Variants in NR3C1 observed in about 807,000 individuals in gnomAD.
NR3C1 encodes glucocorticoid receptor.
In NR3C1, 14 loss-of-function variants were observed where a neutral mutation model predicts 74.0. The ratio of observed to expected loss-of-function variants is 0.19; its 90% CI spans 0.12 to 0.30. The LOEUF (loss-of-function observed/expected upper bound fraction) is 0.30. NR3C1 is among the 10% of genes least tolerant of loss of function. The pLI, the probability that NR3C1 is intolerant of heterozygous loss-of-function variation, is 1.00. For missense variants in NR3C1, 695 were observed against 909.8 expected (o/e 0.76, Z 3.04); for synonymous variants, 308 against 332.5 (o/e 0.93, Z 0.80).
intron 1 of NR3C1, among the ~76,000 whole-genome samples, chr5:143,424,712 T>C (rs1751441626): frequency 6.6e-6 from 1 of 152,206 alleles, no homozygotes; most frequent in Admixed American, 6.5e-5. Context: ...CTGATTTTCT[T>C]AGAAAAGAGA....
chr5:143,419,158 C>A (rs1375761597), intron 1 of NR3C1, among the ~76,000 whole-genome samples: 1 of 152,148 alleles, frequency 6.6e-6, no homozygotes, highest in Admixed American at 6.5e-5. Flanking sequence ...ATTTCAAAAT[C>A]TGAAAATATC....
chr5:143,390,984 C>A (rs979945117), intron 2 of NR3C1, among the ~76,000 whole-genome samples: 13 of 151,958 alleles, frequency 8.6e-5, no homozygotes, highest in African/African-American at 2.9e-4. Context: ...CAAAGAGGAG[C>A]AATATACATA....
intron 1 of NR3C1, among the ~76,000 whole-genome samples, chr5:143,421,766 TGG>T (rs1751245144): frequency 3.3e-5 from 5 of 151,768 alleles, no homozygotes; most frequent in Non-Finnish European, 7.4e-5. Context: ...CACTCCAGCC[TGG>T]GTGACAGAGT....
chr5:143,365,495 C>T (rs146681579), intron 2 of NR3C1, among the ~76,000 whole-genome samples: 9 of 152,184 alleles, frequency 5.9e-5, no homozygotes, highest in African/African-American at 2.2e-4. Context: ...CTTACTTGTA[C>T]CTAACAATAG....
upstream of NR3C1, chr5:143,405,055 C>T: frequency 3.3e-6 from 3 of 908,466 alleles, no homozygotes; most frequent in Non-Finnish European, 3.9e-6. Context: ...GGCCGTGGGG[C>T]GAGGGGTGCC....
intron 2 of NR3C1, among the ~76,000 whole-genome samples, chr5:143,334,655 G>A (rs1230104114): frequency 6.7e-6 from 1 of 150,370 alleles, no homozygotes; most frequent in Admixed American, 6.7e-5. Flanking sequence ...CTGGGGCCTT[G>A]TTTTGATAAA....
At chr5:143,416,138 T>G (rs1841469038) in intron 1 of NR3C1, among the ~76,000 whole-genome samples, 1 of 152,200 alleles carries the variant, frequency 6.6e-6, no homozygotes, top group Admixed American at 6.5e-5. Context: ...GGCCACATGG[T>G]AGATAGGTAC....
rs1812630301 is a variant in NR3C1, at chr5:143,278,275, A to G, written c.*3614T>C. 6.6e-6 allele frequency: 1 copy of G among 152,198 alleles called. No homozygotes were observed. Among genetic ancestry groups the G allele is most frequent in the African/African-American group, 2.4e-5 (1 of 41,456 alleles). 9.4% of individuals were successfully genotyped at this position (152,198 alleles called of 1,614,324 possible). The stretch of plus-strand genomic sequence containing the variant: ...AAAAAGCTTCTTAATAATGCCATAC[A>G]CAGTATAATATAGATTTGTCCCCAT... On this transcript the variant is annotated 3_prime_UTR_variant, in exon 9 of 9. Transcript: ENST00000394464.
chr5:143,383,429 G>T (rs1836611164), intron 2 of NR3C1, among the ~76,000 whole-genome samples: 1 of 152,164 alleles, frequency 6.6e-6, no homozygotes, highest in South Asian at 2.1e-4. Context: ...TGTCCTTAAG[G>T]AGACTGGATT....
At chr5:143,307,205 A>C (rs1167311806) in intron 4 of NR3C1, among the ~76,000 whole-genome samples, 1 of 152,160 alleles carries the variant, frequency 6.6e-6, no homozygotes, top group Non-Finnish European at 1.5e-5. Context: ...CGTATGCTTA[A>C]ATTTTATTCA....
chr5:143,358,943 T>C (rs1434076113), intron 2 of NR3C1, among the ~76,000 whole-genome samples: 1 of 152,078 alleles, frequency 6.6e-6, no homozygotes, highest in East Asian at 1.9e-4. Context: ...CTCCAATACG[T>C]AAGACAGATA....
rs61754802 is a variant in NR3C1, at chr5:143,278,009, T to C, written c.*3880A>G. 6 of 152,326 alleles carry C rather than the reference T, an allele frequency of 3.9e-5. No homozygotes were observed. The highest frequency in any genetic ancestry group is 1.4e-4 in the African/African-American group (6 of 41,584). The allele number at this position is 152,326 out of a possible 1,614,324, so 9.4% of individuals were successfully genotyped here. On this transcript the variant is annotated 3_prime_UTR_variant, in exon 9 of 9. Coordinates refer to ENST00000394464, the MANE Select transcript of NR3C1 (RefSeq NM_000176.3). ...GTAAATGGCTAACATTTACTGCCAA[T>C]TCGGTACAAATGTGTGGTTTGGTAA...
At chr5:143,302,731 T>C (rs1255127610) in intron 4 of NR3C1, among the ~76,000 whole-genome samples, 3 of 152,242 alleles carry the variant, frequency 2.0e-5, no homozygotes, top group East Asian at 3.9e-4. Context: ...CTGTACTGAC[T>C]AGAGCAAGAA....
intron 1 of NR3C1, among the ~76,000 whole-genome samples, chr5:143,427,999 A>G (rs1561818808): frequency 1.3e-5 from 2 of 152,260 alleles, no homozygotes; most frequent in South Asian, 4.1e-4. Context: ...CTATGAAAAT[A>G]GAATGGGCTT....
At chr5:143,333,810 C>A (rs1270780205) in intron 2 of NR3C1, among the ~76,000 whole-genome samples, 1 of 152,052 alleles carries the variant, frequency 6.6e-6, no homozygotes, top group African/African-American at 2.4e-5. Context: ...AAAACTATTG[C>A]TGCAGTCATT....
chr5:143,311,682 C>G (rs1021957717), intron 3 of NR3C1, among the ~76,000 whole-genome samples: 1 of 151,800 alleles, frequency 6.6e-6, no homozygotes, highest in African/African-American at 2.4e-5. Flanking sequence ...GTTCTTGCTA[C>G]GTTGCCTAGG....
intron 7 of NR3C1, among the ~76,000 whole-genome samples, chr5:143,284,543 C>T (rs570304581): frequency 3.0e-4 from 45 of 150,910 alleles, no homozygotes; most frequent in Middle Eastern, 3.2e-3. Context: ...TTTTCCCTGC[C>T]GTATAGTTTT....
chr5:143,294,935 C>T lies in NR3C1; in HGVS notation c.2023+525G>A, dbSNP rs543144385. 6 of 985,290 alleles carry T rather than the reference C, an allele frequency of 6.1e-6. No homozygotes were observed. The South Asian group carries it at 1.9e-4, about 31-fold the overall frequency. 61.0% of individuals were successfully genotyped at this position (985,290 alleles called of 1,614,324 possible). A position where few individuals can be genotyped will look rare whatever the true frequency, so the allele number is the denominator to read the frequency against. ...GCTAAAAAGTAATCTCACAGAAGTT[C>T]GTTTTATAAACTCTTGTTGCCATTT... is the stretch of plus-strand genomic sequence containing the variant. On this transcript the variant is annotated intron_variant, in intron 7 of 8. Transcript: ENST00000394464.
At chr5:143,360,183 GAAT>G (rs1237405963) in intron 2 of NR3C1, among the ~76,000 whole-genome samples, 1 of 152,160 alleles carries the variant, frequency 6.6e-6, no homozygotes, top group Non-Finnish European at 1.5e-5. Flanking sequence ...CATGATTAAA[GAAT>G]AATTATCTAA....
Sources: allele counts gnomAD v4.1 joint callset (sites outside exome capture counted in the v4.1 genomes callset), GRCh38; gene constraint gnomAD v4.1.1; transcripts MANE v1.5; gene names NCBI Gene and HGNC (gene_info 2026-07-23, HGNC 2026-07-21).